The following TRMO variants were observed in gnomAD, a reference collection of about 807,000 sequenced individuals.
The protein encoded by TRMO is tRNA (adenine(37)-N6)-methyltransferase.
A neutral mutation model predicts 37.2 loss-of-function variants in TRMO; 30 were observed. That is an observed-to-expected ratio of 0.81 (90% CI 0.60 to 1.09). The LOEUF (loss-of-function observed/expected upper bound fraction) is 1.09, where lower values mean the gene tolerates loss of function less well. Ranked by LOEUF, TRMO falls within the 50% of genes least tolerant of loss-of-function variation. TRMO has a pLI of 0.00. For missense variants in TRMO, 552 were observed against 549.5 expected, an observed-to-expected ratio of 1.00 and a Z score of -0.05; for synonymous variants, 239 against 199.4, an observed-to-expected ratio of 1.20 and a Z score of -1.67.
chr9:97,916,116 G>C (rs747730916), intron 2 of TRMO, 48 bp downstream of exon 2: 5 of 1,436,662 alleles, frequency 3.5e-6, no homozygotes, highest in Non-Finnish European at 4.7e-6. Flanking sequence ...CTTTATTCGG[G>C]GGCAAGTTCT....
downstream of TRMO, among the ~76,000 whole-genome samples, chr9:97,902,308 G>T (rs1831187523): frequency 6.6e-6 from 1 of 152,098 alleles, no homozygotes. Flanking sequence ...TTATTTTTGT[G>T]GGTTTTTTTT....
chr9:97,913,333 A>G, intron 3 of TRMO, 68 bp downstream of exon 3: 1 of 1,587,886 alleles, frequency 6.3e-7, no homozygotes, highest in South Asian at 1.1e-5. Context: ...GCCAGTGGTG[A>G]ATGCTGTTTA....
Position 97,910,297 on chromosome 9 carries a change from T to C in TRMO, c.729A>G (p.Ala243=). 1 of 1,614,232 alleles carries C rather than the reference T, an allele frequency of 6.2e-7. No homozygotes were observed. ...CTGCTATCTCCCTGTGCATAGGAAATGCTTGCTGAATTCTGGCTGTGTCAC... is the reference window on the plus strand; with the variant it reads ...CTGCTATCTCCCTGTGCATAGGAAACGCTTGCTGAATTCTGGCTGTGTCAC... The part of the protein sequence containing the change: ...THSDTARIQQ[A]FPMHREIAVD... Residue 243 remains alanine (A), a synonymous_variant, in exon 4 of 5, where the codon GCA becomes GCG. Coordinates refer to ENST00000375119, the MANE Select transcript of TRMO (RefSeq NM_016481.5).
intron 2 of TRMO, 24 bp from the exon 3 acceptor site, chr9:97,913,582 A>C: frequency 2.7e-6 from 4 of 1,485,624 alleles, no homozygotes; most frequent in Non-Finnish European, 3.7e-6. Context: ...AACAAAACAA[A>C]CCACGGAATA....
At chr9:97,902,128 G>C (rs955104485), downstream of TRMO, among the ~76,000 whole-genome samples, 8 of 152,134 alleles carry the variant, frequency 5.3e-5, no homozygotes, top group Admixed American at 5.2e-4. Context: ...TGGATCTCAC[G>C]TTCAGGAAGA....
downstream of TRMO, among the ~76,000 whole-genome samples, chr9:97,899,741 A>G (rs1831125352): frequency 1.3e-5 from 2 of 152,052 alleles, no homozygotes; most frequent in African/African-American, 4.8e-5. Flanking sequence ...CAAAAACTAC[A>G]AAAACTAGCT....
At chr9:97,917,564 T>C (rs867272068) in intron 1 of TRMO, among the ~76,000 whole-genome samples, 71 of 152,278 alleles carry the variant, frequency 4.7e-4, no homozygotes, top group African/African-American at 1.7e-3. Flanking sequence ...TAATAATATA[T>C]ATAATATAAT....
At chr9:97,904,387 T>C (rs1225256892), downstream of TRMO, 2 of 671,192 alleles carry the variant, frequency 3.0e-6, no homozygotes, top group Non-Finnish European at 3.8e-6. Context: ...TATGAATTAC[T>C]GAATAGATCC....
At chr9:97,899,907 A>G (rs775591583), downstream of TRMO, among the ~76,000 whole-genome samples, 2 of 152,098 alleles carry the variant, frequency 1.3e-5, no homozygotes, top group African/African-American at 2.4e-5. Flanking sequence ...AAAAAGAAAG[A>G]AAGAAAAAAT....
chr9:97,899,216 G>A, the TRMO span, among the ~76,000 whole-genome samples: 8 of 118,142 alleles, frequency 6.8e-5, no homozygotes, highest in South Asian at 2.6e-4. Flanking sequence ...AAGAGAAAGC[G>A]TACTAAAAAA....
chr9:97,922,489 C>A lies in TRMO; in HGVS notation c.5G>T (p.Arg2Leu). The A allele has an allele frequency of 6.4e-7, 1 of 1,574,736 alleles. No homozygotes were observed. The highest frequency in any genetic ancestry group is 8.6e-7 in the Non-Finnish European group (1 of 1,162,090). Residue 2 changes from arginine to leucine, a missense_variant, in exon 1 of 5, where the codon CGC (arginine) becomes CTC (leucine). Coordinates refer to ENST00000375119, the MANE Select transcript of TRMO (RefSeq NM_016481.5). ...CCGAGGCCCCGACTCCTCCAAGCCGCGCATGGCTACTGGTTGCTGAGGTGC... is the reference window on the plus strand; with the variant it reads ...CCGAGGCCCCGACTCCTCCAAGCCGAGCATGGCTACTGGTTGCTGAGGTGC... M[R>L]GLEESGPRPT...
downstream of TRMO, among the ~76,000 whole-genome samples, chr9:97,901,668 A>G (rs1831172472): frequency 6.6e-6 from 1 of 151,640 alleles, no homozygotes; most frequent in African/African-American, 2.4e-5. Flanking sequence ...GGGAACTTTT[A>G]TCATTTATTT....
downstream of TRMO, chr9:97,904,475 T>G: frequency 8.0e-7 from 1 of 1,247,538 alleles, no homozygotes; most frequent in African/African-American, 1.5e-5. Flanking sequence ...CTTTCAGAAA[T>G]TATCGAGACA....
At chr9:97,916,705 C>CTTTTTTTTTTTTT (rs555924368) in intron 1 of TRMO, among the ~76,000 whole-genome samples, 2 of 124,620 alleles carry the variant, frequency 1.6e-5, no homozygotes, top group Non-Finnish European at 3.3e-5. Context: ...GTATTTCTTT[C>CTTTTTTTTTTTTT]TTTTTTTTTT....
At chr9:97,918,207 C>T (rs1002814507) in intron 1 of TRMO, among the ~76,000 whole-genome samples, 2 of 150,066 alleles carry the variant, frequency 1.3e-5, no homozygotes, top group African/African-American at 4.9e-5. Flanking sequence ...ATGGTGAAAC[C>T]CCATCTCTAC....
intron 1 of TRMO, 127 bp from the exon 2 acceptor site, chr9:97,916,465 A>G (rs1826366708): frequency 1.5e-6 from 1 of 647,868 alleles, no homozygotes; most frequent in African/African-American, 1.8e-5. Context: ...TATAAAAATG[A>G]TTTTTATAGT....
chr9:97,921,631 A>G (rs1001388832), intron 1 of TRMO, among the ~76,000 whole-genome samples: 28 of 152,116 alleles, frequency 1.8e-4, no homozygotes, highest in African/African-American at 6.5e-4. Flanking sequence ...TCACCGTGTT[A>G]GCCAGGATGG....
chr9:97,903,102 T>C (rs1825718769), downstream of TRMO, among the ~76,000 whole-genome samples: 2 of 151,916 alleles, frequency 1.3e-5, no homozygotes, highest in Admixed American at 1.3e-4. Flanking sequence ...CCCTTGTCTC[T>C]ACAAAAAAAT....
intron 4 of TRMO, among the ~76,000 whole-genome samples, chr9:97,907,162 C>T (rs1825889024): frequency 6.6e-6 from 1 of 152,246 alleles, no homozygotes. Context: ...CCACTCATGA[C>T]CACGAGACTG....
Sources: gnomAD v4.1 joint callset for allele counts (sites outside exome capture counted in the v4.1 genomes callset) on GRCh38, gnomAD v4.1.1 for gene constraint, MANE v1.5 for transcripts, NCBI Gene and HGNC (gene_info 2026-07-23, HGNC 2026-07-21) for gene names.